The following DGKG variants were observed in gnomAD, a reference collection of about 807,000 sequenced individuals.
DGKG encodes the protein DAG kinase gamma.
In DGKG, 78 loss-of-function variants were observed where a neutral mutation model predicts 105.3. The ratio of observed to expected loss-of-function variants is 0.74; its 90% CI spans 0.62 to 0.89. The LOEUF is 0.89. DGKG is among the 40% of genes least tolerant of loss of function. DGKG has a pLI of 0.00. For synonymous variants in DGKG, 346 were observed against 367.1 expected (o/e 0.94, Z 0.66); for missense variants, 958 against 1,020.1 (o/e 0.94, Z 0.83).
chr3:186,273,527 A>AC (rs1420005460), intron 10 of DGKG, among the ~76,000 whole-genome samples: 1 of 151,708 alleles, frequency 6.6e-6, no homozygotes, highest in Non-Finnish European at 1.5e-5. Flanking sequence ...AGCATGCGCC[A>AC]CCATGCCCAG....
intron 14 of DGKG, among the ~76,000 whole-genome samples, chr3:186,262,834 T>TAAAA (rs900736735): frequency 6.6e-6 from 1 of 152,040 alleles, no homozygotes; most frequent in Admixed American, 6.6e-5. Context: ...TGCAGACTAC[T>TAAAA]AAAAAAATTT....
chr3:186,230,057 A>C (rs895498936), intron 20 of DGKG, among the ~76,000 whole-genome samples: 2 of 152,184 alleles, frequency 1.3e-5, no homozygotes, highest in African/African-American at 4.8e-5. Context: ...CAGGAGATCA[A>C]GACCATCCTG....
chr3:186,344,414 C>G (rs533583850), intron 1 of DGKG, among the ~76,000 whole-genome samples: 1 of 152,124 alleles, frequency 6.6e-6, no homozygotes, highest in Non-Finnish European at 1.5e-5. Context: ...ATAAAAAGAA[C>G]GCGATATGTC....
At chr3:186,267,917 CGTGTGTGTGTGTGTGCACGT>C in intron 12 of DGKG, 140 bp from the exon 13 acceptor site, 1 of 702,374 alleles carries the variant, frequency 1.4e-6, no homozygotes, top group Admixed American at 2.1e-5. Context: ...ACAGTATTGC[CGTGTGTGTGTGTGTGCACGT>C]GTGTGTGTGT....
At chr3:186,328,298 GGACA>G (rs2108648312) in intron 1 of DGKG, among the ~76,000 whole-genome samples, 1 of 152,228 alleles carries the variant, frequency 6.6e-6, no homozygotes, top group South Asian at 2.1e-4. Flanking sequence ...TCCCTGTGGG[GGACA>G]GACACCCAAA....
intron 20 of DGKG, among the ~76,000 whole-genome samples, chr3:186,228,162 A>G (rs1016328796): frequency 6.6e-6 from 1 of 152,186 alleles, no homozygotes; most frequent in African/African-American, 2.4e-5. Flanking sequence ...TCACAACCAA[A>G]TAGCATGCTT....
chr3:186,189,155 A>G (rs1211909131), intron 21 of DGKG, among the ~76,000 whole-genome samples: 1 of 152,202 alleles, frequency 6.6e-6, no homozygotes, highest in Admixed American at 6.5e-5. Context: ...TCTCTCTGTG[A>G]GAAGCACAAG....
chr3:186,260,175 T>C (rs1177052928), intron 16 of DGKG, among the ~76,000 whole-genome samples: 1 of 152,186 alleles, frequency 6.6e-6, no homozygotes, highest in African/African-American at 2.4e-5. Flanking sequence ...ATGAAAGGTG[T>C]GTGCAGTTTT....
intron 22 of DGKG, among the ~76,000 whole-genome samples, chr3:186,184,994 C>T (rs1054192935): frequency 2.0e-5 from 3 of 152,106 alleles, no homozygotes; most frequent in South Asian, 4.1e-4. Context: ...CTTAATTTTG[C>T]GGAACTGTAA....
intron 1 of DGKG, among the ~76,000 whole-genome samples, chr3:186,356,243 T>C (rs1436050621): frequency 2.0e-5 from 3 of 152,194 alleles, no homozygotes; most frequent in African/African-American, 2.4e-5. Context: ...ATGACTTAGA[T>C]GAAGAGGTCG....
At chr3:186,352,623 C>T (rs1198877906) in intron 1 of DGKG, among the ~76,000 whole-genome samples, 2 of 152,206 alleles carry the variant, frequency 1.3e-5, no homozygotes. Flanking sequence ...CCACTATCTT[C>T]CCAGGTGTAG....
At chr3:186,240,470 G>A (rs1368484781) in intron 20 of DGKG, among the ~76,000 whole-genome samples, 5 of 152,160 alleles carry the variant, frequency 3.3e-5, no homozygotes, top group South Asian at 2.1e-4. Context: ...ACAGAGCCCC[G>A]TGGCTTTCAC....
intron 22 of DGKG, among the ~76,000 whole-genome samples, chr3:186,182,253 T>C (rs1319293085): frequency 6.6e-6 from 1 of 152,244 alleles, no homozygotes; most frequent in Non-Finnish European, 1.5e-5. Context: ...GAAGCCGTAG[T>C]CAAGAGAGTG....
At chr3:186,352,128 A>G (rs909598353) in intron 1 of DGKG, among the ~76,000 whole-genome samples, 12 of 152,066 alleles carry the variant, frequency 7.9e-5, no homozygotes, top group African/African-American at 2.9e-4. Context: ...CTTGAGAACC[A>G]CTAGCTTAGA....
intron 2 of DGKG, among the ~76,000 whole-genome samples, chr3:186,310,872 A>T (rs903170114): frequency 1.3e-5 from 2 of 152,216 alleles, no homozygotes; most frequent in Non-Finnish European, 2.9e-5. Flanking sequence ...AAATCCCCAC[A>T]ACTACCCTCT....
At chr3:186,253,981 A>G (rs140441150) in intron 17 of DGKG, among the ~76,000 whole-genome samples, 52 of 152,320 alleles carry the variant, frequency 3.4e-4, no homozygotes, top group Middle Eastern at 3.4e-3. Flanking sequence ...ACCTCTCAGA[A>G]TTGCAATGAC....
At chr3:186,337,846 T>C (rs999712962) in intron 1 of DGKG, among the ~76,000 whole-genome samples, 4 of 152,106 alleles carry the variant, frequency 2.6e-5, no homozygotes, top group Admixed American at 2.0e-4. Context: ...TATAGCATAA[T>C]AGAAAAAGAT....
chr3:186,240,201 C>A (rs1478605113), intron 20 of DGKG, among the ~76,000 whole-genome samples: 2 of 152,190 alleles, frequency 1.3e-5, no homozygotes, highest in Non-Finnish European at 2.9e-5. Context: ...TTGCCCTCCT[C>A]TTTTTCCGTG....
chr3:186,221,522 A>T (rs1377736496), intron 20 of DGKG, among the ~76,000 whole-genome samples: 2 of 152,170 alleles, frequency 1.3e-5, no homozygotes, highest in East Asian at 1.9e-4. Context: ...ATACTGGGAC[A>T]AAAAGAAATC....
Sources: allele counts gnomAD v4.1 joint callset (sites outside exome capture counted in the v4.1 genomes callset), GRCh38; gene constraint gnomAD v4.1.1; transcripts MANE v1.5; gene names NCBI Gene and HGNC (gene_info 2026-07-23, HGNC 2026-07-21).